The following PGPEP1 variants were observed in gnomAD, a reference collection of about 807,000 sequenced individuals.
PGPEP1 encodes the protein pyroglutamyl-peptidase 1.
In PGPEP1, 15 loss-of-function variants were observed where a neutral mutation model predicts 24.1. The ratio of observed to expected loss-of-function variants is 0.62; its 90% CI spans 0.42 to 0.96. PGPEP1 has a LOEUF of 0.96. Ranked by LOEUF, PGPEP1 falls within the 40% of genes least tolerant of loss-of-function variation. The pLI is 0.00. For synonymous variants in PGPEP1, 122 were observed against 116.4 expected, an observed-to-expected ratio of 1.05 and a Z score of -0.31; for missense variants, 242 against 273.4, an observed-to-expected ratio of 0.89 and a Z score of 0.81.
At chr19:18,350,694 G>A (rs1333062801) in intron 2 of PGPEP1, among the ~76,000 whole-genome samples, 5 of 152,230 alleles carry the variant, frequency 3.3e-5, no homozygotes, top group African/African-American at 7.2e-5. Context: ...AAAAGGATGC[G>A]CTGAGATCTC....
rs187089224 is a variant in PGPEP1 at position 18,356,995 on chromosome 19, G to A, written c.205-388G>A. 4.0e-3 allele frequency among the ~76,000 whole-genome samples: 614 copies of A among 152,300 alleles called. 4 individuals are homozygous for A. Among genetic ancestry groups the A allele is most frequent in the African/African-American group, 0.014 (571 of 41,566 alleles). On this transcript the variant is annotated intron_variant, in intron 3 of 4. Transcript: ENST00000269919. Reference sequence around the variant, plus strand: ...GGAGGTTGCAGTGAGCTGAGATCGCGCCACTGCACTCCAGCCTGGGCGACA... The same window carrying A: ...GGAGGTTGCAGTGAGCTGAGATCGCACCACTGCACTCCAGCCTGGGCGACA...
intron 2 of PGPEP1, among the ~76,000 whole-genome samples, chr19:18,350,558 A>C (rs1568311811): frequency 6.6e-6 from 1 of 152,246 alleles, no homozygotes; most frequent in East Asian, 1.9e-4. Context: ...AGAAGTTTGC[A>C]TGAGGACGTT....
At chr19:18,355,239 G>A (rs922690217) in intron 2 of PGPEP1, among the ~76,000 whole-genome samples, 1 of 151,510 alleles carries the variant, frequency 6.6e-6, no homozygotes, top group African/African-American at 2.4e-5. Flanking sequence ...AAAGTGCTGG[G>A]ATTACAGGCA....
chr19:18,342,054 C>T (rs762390911), intron 1 of PGPEP1, among the ~76,000 whole-genome samples: 2 of 152,030 alleles, frequency 1.3e-5, no homozygotes, highest in Admixed American at 6.6e-5. Context: ...ATTACGGGCA[C>T]GCATCACCCC....
At chr19:18,361,430 C>T (rs532007595) in intron 4 of PGPEP1, among the ~76,000 whole-genome samples, 1 of 151,944 alleles carries the variant, frequency 6.6e-6, no homozygotes, top group East Asian at 1.9e-4. Flanking sequence ...TGAGCCACCG[C>T]GCCCGGCCAC....
chr19:18,344,038 C>A (rs541578526), intron 2 of PGPEP1, among the ~76,000 whole-genome samples: 1 of 152,158 alleles, frequency 6.6e-6, no homozygotes, highest in South Asian at 2.1e-4. Flanking sequence ...AATCGTGACT[C>A]AGGTTGGTTT....
intron 2 of PGPEP1, among the ~76,000 whole-genome samples, chr19:18,348,389 G>A (rs1970921938): frequency 1.3e-5 from 2 of 152,148 alleles, no homozygotes; most frequent in Admixed American, 1.3e-4. Flanking sequence ...AGGGGAATCG[G>A]TCAGACGAGG....
intron 2 of PGPEP1, among the ~76,000 whole-genome samples, chr19:18,345,725 C>CAA (rs1263995077): frequency 0.043 from 3,830 of 89,688 alleles, 264 homozygotes; most frequent in African/African-American, 0.15. Flanking sequence ...GACCCTATCT[C>CAA]AAAAAAAAAA....
chr19:18,361,673 C>A, intron 4 of PGPEP1: 1 of 943,770 alleles, frequency 1.1e-6, no homozygotes, highest in Non-Finnish European at 1.3e-6. Flanking sequence ...ATTCTCATTC[C>A]CTCTCTTTTT....
intron 3 of PGPEP1, 22 bp downstream of exon 3, chr19:18,356,033 C>A: frequency 7.1e-7 from 1 of 1,414,374 alleles, no homozygotes; most frequent in Non-Finnish European, 1.0e-6. Context: ...CAAGGGGCGG[C>A]ACTTCCTCAT....
intron 2 of PGPEP1, among the ~76,000 whole-genome samples, chr19:18,348,655 T>C (rs1970931197): frequency 6.6e-6 from 1 of 152,078 alleles, no homozygotes; most frequent in South Asian, 2.1e-4. Context: ...CCAGATACAC[T>C]GTATGGCAGG....
intron 2 of PGPEP1, among the ~76,000 whole-genome samples, chr19:18,346,226 G>A (rs946244244): frequency 3.3e-5 from 5 of 152,086 alleles, no homozygotes; most frequent in African/African-American, 9.7e-5. Flanking sequence ...TGCGAGAACC[G>A]CCCCTGGAGT....
chr19:18,356,027 G>A lies in PGPEP1; in HGVS notation c.204+16G>A. The A allele has an allele frequency of 6.7e-7, 1 of 1,493,288 alleles. No homozygotes were observed. The highest frequency in any genetic ancestry group is 9.3e-7 in the Non-Finnish European group (1 of 1,070,118). 92.5% of individuals were successfully genotyped at this position (1,493,288 alleles called of 1,614,324 possible). A position where few individuals can be genotyped will look rare whatever the true frequency, so the allele number is the denominator to read the frequency against. On this transcript the variant is annotated intron_variant, in intron 3 of 4. Transcript: ENST00000269919. The stretch of plus-strand genomic sequence containing the variant: ...CAGTCCACAGGTGAGTGGTGCCAAG[G>A]GGCGGCACTTCCTCATCAGGACTTA...
At chr19:18,341,245 C>T (rs1485888476) in intron 1 of PGPEP1, among the ~76,000 whole-genome samples, 1 of 152,186 alleles carries the variant, frequency 6.6e-6, no homozygotes, top group African/African-American at 2.4e-5. Context: ...GGTGGGGGTC[C>T]GGGGACCTCG....
At chr19:18,340,743 G>A in intron 1 of PGPEP1, 28 bp downstream of exon 1, 3 of 1,453,964 alleles carry the variant, frequency 2.1e-6, no homozygotes, top group African/African-American at 1.5e-5. Context: ...GGCTGTAGCG[G>A]CAGCGGCCGG....
Position 18,363,413 on chromosome 19 carries a change from T to C in PGPEP1, c.460T>C (p.Tyr154His). 6.2e-7 allele frequency: 1 copy of C among 1,612,304 alleles called. No homozygotes were observed. Among genetic ancestry groups the C allele is most frequent in the Non-Finnish European group, 8.5e-7 (1 of 1,178,500 alleles). Residue 154 changes from tyrosine (Y) to histidine (H), a missense_variant, in exon 5 of 5, where the codon TAC (tyrosine) becomes CAC (histidine). Transcript: ENST00000269919. ...TAGATATCTCTGCGACTTTACCTACTACACCTCTTTGTACCAGAGTCACGG... is the reference window on the plus strand; with the variant it reads ...TAGATATCTCTGCGACTTTACCTACCACACCTCTTTGTACCAGAGTCACGG... ...AGRYLCDFTY[Y>H]TSLYQSHGRS...
Position 18,356,029 on chromosome 19 carries a change from G to T in PGPEP1, c.204+18G>T. On this transcript the variant is annotated intron_variant, in intron 3 of 4. Coordinates refer to ENST00000269919, the MANE Select transcript of PGPEP1 (RefSeq NM_017712.4). ...GTCCACAGGTGAGTGGTGCCAAGGG[G>T]CGGCACTTCCTCATCAGGACTTACA... The T allele has an allele frequency of 6.7e-7, 1 of 1,495,256 alleles. No individual in the cohort carries two copies. The highest frequency in any genetic ancestry group is 9.3e-7 in the Non-Finnish European group (1 of 1,071,726). The allele number at this position is 1,495,256 out of a possible 1,614,324, so 92.6% of individuals were successfully genotyped here. A position where few individuals can be genotyped will look rare whatever the true frequency, so the allele number is the denominator to read the frequency against.
rs1457367802 is a variant in PGPEP1 at position 18,368,148 on chromosome 19, A to T, written c.*4565A>T. The T allele has an allele frequency of 6.6e-6, 1 of 152,094 alleles. No homozygotes were observed. Among genetic ancestry groups the T allele is most frequent in the Non-Finnish European group, 1.5e-5 (1 of 68,106 alleles). 9.4% of individuals were successfully genotyped at this position (152,094 alleles called of 1,614,324 possible). ...ACCCTGCCTCAAAATTAAGAAAAAA[A>T]AAAGGGGGGCCAGGCGCAGTGGCTT... On this transcript the variant is annotated 3_prime_UTR_variant, in exon 5 of 5. Transcript: ENST00000269919.
chr19:18,340,970 G>C (rs1568306514), intron 1 of PGPEP1, among the ~76,000 whole-genome samples: 1 of 151,974 alleles, frequency 6.6e-6, no homozygotes, highest in African/African-American at 2.4e-5. Flanking sequence ...CGCTGCGCAG[G>C]CCCCCCTGGC....
Sources: gnomAD v4.1 joint callset for allele counts (sites outside exome capture counted in the v4.1 genomes callset) on GRCh38, gnomAD v4.1.1 for gene constraint, MANE v1.5 for transcripts, NCBI Gene and HGNC (gene_info 2026-07-23, HGNC 2026-07-21) for gene names.